Variants in ACP4 observed in about 807,000 individuals in gnomAD.
ACP4 encodes the protein testicular acid phosphatase.
Under a neutral mutation model 47.3 loss-of-function variants are expected in ACP4, and 49 were observed. That is an observed-to-expected ratio of 1.04 (90% CI 0.82 to 1.32). The LOEUF is 1.32. ACP4 is among the 40% of genes most tolerant of loss of function. The pLI, the probability that ACP4 is intolerant of heterozygous loss-of-function variation, is 0.00. For missense variants in ACP4, 594 were observed against 579.3 expected (o/e 1.03, Z -0.26); for synonymous variants, 299 against 265.3 (o/e 1.13, Z -1.23).
At position 50,791,575 on chromosome 19, in the gene ACP4, T is replaced by G. The variant is rs2123287601; in HGVS notation, c.304-81T>G. ...TCTGACCCCTACTCCAAAGTGAATC[T>G]GAGGCTTCTGATTTGCCACGACAGC... On this transcript the variant is annotated intron_variant, in intron 3 of 10. Coordinates refer to ENST00000270593, the MANE Select transcript of ACP4 (RefSeq NM_033068.3). 3 of 1,542,478 alleles carry G rather than the reference T, an allele frequency of 1.9e-6. No individual in the cohort carries two copies. In the South Asian group the frequency reaches 3.5e-5, roughly 18 times the overall value.
intron 3 of ACP4, among the ~76,000 whole-genome samples, chr19:50,791,286 C>T (rs550673744): frequency 1.4e-4 from 21 of 152,270 alleles, no homozygotes; most frequent in African/African-American, 4.6e-4. Flanking sequence ...TCTGACATCC[C>T]CCAGCTACAG....
chr19:50,794,668 T>G, intron 9 of ACP4, 87 bp downstream of exon 9: 1 of 1,603,180 alleles, frequency 6.2e-7, no homozygotes, highest in Non-Finnish European at 8.5e-7. Flanking sequence ...CATGGCCAGG[T>G]GGGGAGCTGC....
In ACP4 at chr19:50,794,558, G is replaced by C. The variant is rs901964124; in HGVS notation, c.963G>C (p.Leu321=). ...TCGGCTTTGAGTTCCGGAAGCACCT[G>C]GGGAATCCCGCCAAAGATGGAGGGT... is the stretch of plus-strand genomic sequence containing the variant. ...ACLGFEFRKH[L]GNPAKDGGNV... Residue 321 remains leucine, a synonymous_variant, in exon 9 of 11, where the codon CTG becomes CTC. Transcript: ENST00000270593. 1.2e-6 allele frequency: 2 copies of C among 1,614,058 alleles called. No individual in the cohort carries two copies. Among genetic ancestry groups the C allele is most frequent in the Non-Finnish European group, 1.7e-6 (2 of 1,180,004 alleles).
chr19:50,794,153 TGGGA>T (rs1292163526), intron 8 of ACP4, among the ~76,000 whole-genome samples, 183 bp downstream of exon 8: 4 of 152,318 alleles, frequency 2.6e-5, no homozygotes, highest in Middle Eastern at 3.4e-3. Context: ...GACGGTGTTA[TGGGA>T]GGAAGAATTT....
Position 50,794,565 on chromosome 19 carries a change from CCCG to C in ACP4, c.973_975del (p.Ala325del). 1 of 1,614,030 alleles carries C rather than the reference CCCG, an allele frequency of 6.2e-7. No individual in the cohort carries two copies. The highest frequency in any genetic ancestry group is 8.5e-7 in the Non-Finnish European group (1 of 1,180,000). ...TGAGTTCCGGAAGCACCTGGGGAAT[CCCG>C]CCAAAGATGGAGGGTGAGAATGGTT... On this transcript the variant is annotated inframe_deletion, in exon 9 of 11. Coordinates refer to ENST00000270593, the MANE Select transcript of ACP4 (RefSeq NM_033068.3).
At chr19:50,790,549 G>C in intron 1 of ACP4, 24 bp downstream of exon 1, 1 of 1,540,478 alleles carries the variant, frequency 6.5e-7, no homozygotes, top group East Asian at 2.5e-5. Context: ...ACCCCGGCCT[G>C]CCCTTAGCTC....
In ACP4 at chr19:50,790,701, G is replaced by T. The variant is rs1425687379; in HGVS notation, c.216+3G>T. The T allele has an allele frequency of 2.7e-6, 4 of 1,487,712 alleles. No individual in the cohort carries two copies. In the Admixed American group the frequency reaches 6.1e-5, roughly 23 times the overall value. The allele number at this position is 1,487,712 out of a possible 1,614,324, so 92.2% of individuals were successfully genotyped here. ...GAGGCCTGGGCCAGCTGACCACGGT[G>T]AGAAGCGGGTAGGCGGTGAGGGCAA... On this transcript the variant is annotated splice_donor_region_variant and intron_variant, in intron 2 of 10. Transcript: ENST00000270593.
intron 3 of ACP4, among the ~76,000 whole-genome samples, 181 bp from the exon 4 acceptor site, chr19:50,791,475 C>T (rs1430652467): frequency 1.3e-5 from 2 of 152,178 alleles, no homozygotes; most frequent in Admixed American, 6.5e-5. Context: ...GGACGTCCAG[C>T]CCAACTGCTC....
Position 50,790,966 on chromosome 19 carries a change from A to C in ACP4, c.303+106A>C, listed in dbSNP as rs973257747. 1.4e-5 allele frequency: 16 copies of C among 1,126,770 alleles called. No individual in the cohort carries two copies. The African/African-American group carries it at 2.0e-4, about 14-fold the overall frequency. The allele number at this position is 1,126,770 out of a possible 1,614,324, so 69.8% of individuals were successfully genotyped here. A position where few individuals can be genotyped will look rare whatever the true frequency, so the allele number is the denominator to read the frequency against. On this transcript the variant is annotated intron_variant, in intron 3 of 10. Transcript: ENST00000270593. ...CCACCTCTGGCCTTTGACCTCCATCAACCTGACTTGCCCTCTACCTCTAAT... is the reference window on the plus strand; with the variant it reads ...CCACCTCTGGCCTTTGACCTCCATCCACCTGACTTGCCCTCTACCTCTAAT...
intron 6 of ACP4, chr19:50,792,653 A>C (rs1161641107): frequency 4.5e-6 from 1 of 224,092 alleles, no homozygotes; most frequent in Admixed American, 5.7e-5. Flanking sequence ...GGGCAGCGGG[A>C]GCTGACCTGA....
chr19:50,792,424 A>G (rs1184083990), intron 6 of ACP4, 87 bp downstream of exon 6: 1 of 1,363,118 alleles, frequency 7.3e-7, no homozygotes, highest in Non-Finnish European at 1.0e-6. Flanking sequence ...TCCCTCAGGC[A>G]TGTAGTTAAT....
chr19:50,793,136 G>C (rs372990421), intron 6 of ACP4: 31 of 156,914 alleles, frequency 2.0e-4, no homozygotes, highest in East Asian at 1.5e-3. Flanking sequence ...CAGAATGTCT[G>C]AGCTGTGAAA....
At chr19:50,791,033 A>C (rs2089500923) in intron 3 of ACP4, among the ~76,000 whole-genome samples, 173 bp downstream of exon 3, 1 of 151,626 alleles carries the variant, frequency 6.6e-6, no homozygotes, top group Admixed American at 6.6e-5. Context: ...CTGACTTCTG[A>C]CCCCATCTCA....
Position 50,790,534 on chromosome 19 carries a change from C to T in ACP4, c.111+9C>T, listed in dbSNP as rs1387885074. The T allele has an allele frequency of 1.0e-5, 16 of 1,541,696 alleles. No individual in the cohort carries two copies. Among genetic ancestry groups the T allele is most frequent in the Admixed American group, 2.0e-5 (1 of 50,700 alleles). ...TGGTGTTCGTGGCTCTGGTGAGGCG[C>T]CCCCACCCCGGCCTGCCCTTAGCTC... On this transcript the variant is annotated intron_variant, in intron 1 of 10. Coordinates refer to ENST00000270593, the MANE Select transcript of ACP4 (RefSeq NM_033068.3).
At position 50,790,446 on chromosome 19, in the gene ACP4, C is replaced by T. The variant is rs1369502116; in HGVS notation, c.32C>T (p.Ala11Val). 1.3e-6 allele frequency: 2 copies of T among 1,586,594 alleles called. No homozygotes were observed. The highest frequency in any genetic ancestry group is 3.5e-5 in the Admixed American group (2 of 56,342). The change falls in exon 1 of 11, where the codon GCT becomes GTT. Residue 11 changes from alanine (A) to valine (V), a missense_variant. Physicochemically the swap from Ala to Val is moderately conservative, Grantham distance 64. Transcript: ENST00000270593. ...GGCCTGGGGTTTTGGGGCCACCCTGCTGGACCTCTCCTGCTGCTGCTGCTG... is the reference window on the plus strand; with the variant it reads ...GGCCTGGGGTTTTGGGGCCACCCTGTTGGACCTCTCCTGCTGCTGCTGCTG... MAGLGFWGHP[A>V]GPLLLLLLLV...
intron 9 of ACP4, 83 bp downstream of exon 9, chr19:50,794,664 C>T (rs1369529230): frequency 6.2e-7 from 1 of 1,604,824 alleles, no homozygotes; most frequent in South Asian, 1.1e-5. Context: ...AGGGCATGGC[C>T]AGGTGGGGAG....
chr19:50,792,435 C>T, intron 6 of ACP4, 98 bp downstream of exon 6: 1 of 1,241,900 alleles, frequency 8.1e-7, no homozygotes, highest in Non-Finnish European at 1.1e-6. Flanking sequence ...TGTAGTTAAT[C>T]CTCTGTGCCT....
Position 50,791,739 on chromosome 19 carries a change from A to G in ACP4, c.387A>G (p.Pro129=), listed in dbSNP as rs369425054. The change falls in exon 4 of 11, where the codon CCA becomes CCG. Residue 129 remains proline (P), a synonymous_variant. Transcript: ENST00000270593. The part of the protein sequence containing the change: ...NLAGLFPEAA[P]GSPEARWRPI... Reference sequence around the variant, plus strand: ...CCGGGCTGTTTCCCGAGGCTGCTCCAGGGAGCCCCGAGGCCCGCTGGAGGC... The same window carrying G: ...CCGGGCTGTTTCCCGAGGCTGCTCCGGGGAGCCCCGAGGCCCGCTGGAGGC... The G allele has an allele frequency of 2.5e-4, 410 of 1,612,858 alleles. No individual in the cohort carries two copies. The highest frequency in any genetic ancestry group is 3.3e-4 in the Non-Finnish European group (394 of 1,179,820).
intron 4 of ACP4, 64 bp from the exon 5 acceptor site, chr19:50,792,009 C>T (rs562010990): frequency 2.5e-5 from 38 of 1,502,526 alleles, no homozygotes; most frequent in African/African-American, 1.2e-4. Context: ...CGGGTTCCCC[C>T]GACCCGCTGT....
Sources: gnomAD v4.1 joint callset for allele counts (sites outside exome capture counted in the v4.1 genomes callset) on GRCh38, gnomAD v4.1.1 for gene constraint, MANE v1.5 for transcripts, NCBI Gene and HGNC (gene_info 2026-07-23, HGNC 2026-07-21) for gene names.